The following FBXL17 variants were observed in gnomAD, a reference collection of about 807,000 sequenced individuals.
FBXL17 encodes the protein F-box/LRR-repeat protein 17.
Under a neutral mutation model 66.2 loss-of-function variants are expected in FBXL17, and 22 were observed. That is an observed-to-expected ratio of 0.33 (90% CI 0.24 to 0.47). The LOEUF (loss-of-function observed/expected upper bound fraction) is 0.47. Ranked by LOEUF, FBXL17 falls within the 20% of genes least tolerant of loss-of-function variation. FBXL17 has a pLI of 1.00. For synonymous variants in FBXL17, 474 were observed against 400.5 expected (o/e 1.18, Z -2.19); for missense variants, 878 against 948.2 (o/e 0.93, Z 0.97).
chr5:108,107,050 C>T (rs927467078), intron 6 of FBXL17, among the ~76,000 whole-genome samples: 23 of 152,002 alleles, frequency 1.5e-4, no homozygotes, highest in African/African-American at 5.5e-4. Context: ...GTAAAATTTC[C>T]TCCTTAAAAA....
intron 4 of FBXL17, among the ~76,000 whole-genome samples, chr5:108,302,450 AAAT>A (rs1367855537): frequency 2.0e-5 from 3 of 151,846 alleles, no homozygotes; most frequent in Non-Finnish European, 4.4e-5. Context: ...TAGCTTAAGG[AAAT>A]AATCACTTTT....
intron 5 of FBXL17, among the ~76,000 whole-genome samples, chr5:108,196,323 T>C (rs1753679733): frequency 6.6e-6 from 1 of 152,118 alleles, no homozygotes; most frequent in Non-Finnish European, 1.5e-5. Context: ...TGTAACAGCA[T>C]AATTCAGCCT....
chr5:107,889,558 C>G (rs976370283), intron 7 of FBXL17, among the ~76,000 whole-genome samples: 4 of 152,160 alleles, frequency 2.6e-5, no homozygotes, highest in African/African-American at 9.7e-5. Flanking sequence ...AGAAGAGCAA[C>G]ACGTAGGTAT....
At chr5:108,309,462 A>G (rs1446369274) in intron 4 of FBXL17, among the ~76,000 whole-genome samples, 1 of 152,020 alleles carries the variant, frequency 6.6e-6, no homozygotes, top group Admixed American at 6.6e-5. Flanking sequence ...CTTTTTAAAA[A>G]CAAAGGAAAC....
chr5:107,905,975 G>A (rs1749742319), intron 7 of FBXL17, among the ~76,000 whole-genome samples: 1 of 151,990 alleles, frequency 6.6e-6, no homozygotes, highest in South Asian at 2.1e-4. Flanking sequence ...GGAATATAAG[G>A]GCATGACCAC....
rs533786535 is a variant in FBXL17 at position 108,365,861 on chromosome 5, C to A, written c.1117-866G>T. On this transcript the variant is annotated intron_variant, in intron 2 of 8. Transcript: ENST00000542267. The stretch of plus-strand genomic sequence containing the variant: ...ATGTCAGAAGTGGTATCAGAAAACA[C>A]CAACAAAGGATATGTGTTCGTCTCA... Among the ~76,000 whole-genome samples the A allele has an allele frequency of 1.1e-4, 16 of 152,112 alleles. No homozygotes were observed. The South Asian group carries it at 2.7e-3, about 26-fold the overall frequency.
intron 6 of FBXL17, among the ~76,000 whole-genome samples, chr5:108,145,803 A>C (rs116224447): frequency 2.6e-4 from 38 of 147,124 alleles, no homozygotes; most frequent in African/African-American, 9.0e-4. Flanking sequence ...TATAGCACTA[A>C]ATTTTCGGTT....
At chr5:108,095,690 A>G (rs1272939577) in intron 6 of FBXL17, among the ~76,000 whole-genome samples, 5 of 152,144 alleles carry the variant, frequency 3.3e-5, no homozygotes, top group African/African-American at 4.8e-5. Context: ...TTTTATTATT[A>G]GAGACAATAA....
intron 3 of FBXL17, among the ~76,000 whole-genome samples, chr5:108,349,635 G>C (rs964820632): frequency 6.6e-6 from 1 of 151,970 alleles, no homozygotes; most frequent in Non-Finnish European, 1.5e-5. Flanking sequence ...TCTGGTGCCC[G>C]ATATCTTACA....
chr5:108,143,682 T>C (rs1751447426), intron 6 of FBXL17, among the ~76,000 whole-genome samples: 1 of 143,316 alleles, frequency 7.0e-6, no homozygotes, highest in Non-Finnish European at 1.5e-5. Flanking sequence ...GAGGTAAAGG[T>C]GCTTCTATAT....
intron 4 of FBXL17, among the ~76,000 whole-genome samples, chr5:108,334,365 G>C (rs962983572): frequency 6.6e-6 from 1 of 152,106 alleles, no homozygotes; most frequent in Non-Finnish European, 1.5e-5. Flanking sequence ...TTTGATCACT[G>C]GTTACTTTTG....
At chr5:108,018,528 T>C (rs1161078169) in intron 7 of FBXL17, among the ~76,000 whole-genome samples, 2 of 152,144 alleles carry the variant, frequency 1.3e-5, no homozygotes, top group East Asian at 1.9e-4. Context: ...AAATAGCTAT[T>C]GTAGTACGAT....
chr5:107,891,466 G>C (rs560911671), intron 7 of FBXL17, among the ~76,000 whole-genome samples: 1 of 152,282 alleles, frequency 6.6e-6, no homozygotes, highest in Non-Finnish European at 1.5e-5. Context: ...ACAGAAGCAG[G>C]AAGACCAATA....
At chr5:107,989,520 G>A (rs142489998) in intron 7 of FBXL17, among the ~76,000 whole-genome samples, 3 of 152,168 alleles carry the variant, frequency 2.0e-5, no homozygotes, top group African/African-American at 4.8e-5. Flanking sequence ...TATGCACCAT[G>A]CCTTCATCCA....
intron 7 of FBXL17, among the ~76,000 whole-genome samples, chr5:107,940,616 T>C (rs1434264659): frequency 1.3e-5 from 2 of 151,960 alleles, no homozygotes; most frequent in Admixed American, 6.6e-5. Flanking sequence ...AATGAAGTAG[T>C]TGGAGGGTGG....
chr5:108,275,606 TATAA>T (rs1757453091), intron 4 of FBXL17, among the ~76,000 whole-genome samples: 1 of 152,212 alleles, frequency 6.6e-6, no homozygotes, highest in Non-Finnish European at 1.5e-5. Flanking sequence ...TCAAGAACTA[TATAA>T]ATAGTTCTTG....
chr5:107,981,633 T>G lies in FBXL17; in HGVS notation c.1822+39292A>C, dbSNP rs539412521. On this transcript the variant is annotated intron_variant, in intron 7 of 8. Coordinates refer to ENST00000542267, the MANE Select transcript of FBXL17 (RefSeq NM_001163315.3). ...CTCCGTTCTGCCCAGAAGAAAGCAT[T>G]TTCTCTTTAAAGAAATCTCAGTTGG... is the stretch of plus-strand genomic sequence containing the variant. Among the ~76,000 whole-genome samples the G allele has an allele frequency of 2.0e-5, 3 of 152,366 alleles. No individual in the cohort carries two copies. The South Asian group carries it at 6.2e-4, about 32-fold the overall frequency.
chr5:108,178,694 A>C (rs1752888414), intron 6 of FBXL17, among the ~76,000 whole-genome samples: 1 of 152,236 alleles, frequency 6.6e-6, no homozygotes, highest in South Asian at 2.1e-4. Flanking sequence ...ATAAGTATGC[A>C]GACAGATTGC....
chr5:107,891,928 C>T (rs942737615), intron 7 of FBXL17, among the ~76,000 whole-genome samples: 3 of 152,150 alleles, frequency 2.0e-5, no homozygotes, highest in East Asian at 1.9e-4. Context: ...ATAAACCCAT[C>T]GTAAGTTGAA....
Sources: allele counts gnomAD v4.1 joint callset (sites outside exome capture counted in the v4.1 genomes callset), GRCh38; gene constraint gnomAD v4.1.1; transcripts MANE v1.5; gene names NCBI Gene and HGNC (gene_info 2026-07-23, HGNC 2026-07-21).